DLGAP2: variants seen among roughly 807,000 people sequenced by gnomAD.
DLGAP2 encodes disks large-associated protein 2.
A neutral mutation model predicts 100.3 loss-of-function variants in DLGAP2; 26 were observed. The observed-to-expected ratio is 0.26, with a 90% CI of 0.19 to 0.36. DLGAP2 has a LOEUF of 0.36. DLGAP2 is among the 10% of genes least tolerant of loss of function. The probability of loss-of-function intolerance (pLI) is 1.00; values close to 1 mark genes in which losing one functional copy is unlikely to be tolerated. For missense variants in DLGAP2, 1,858 were observed against 1,453.2 expected, an observed-to-expected ratio of 1.28 and a Z score of -4.53; for synonymous variants, 886 against 630.1, an observed-to-expected ratio of 1.41 and a Z score of -6.08.
In DLGAP2 at chr8:810,023, C is replaced by A. The variant is rs189591980; in HGVS notation, c.18+72198C>A. On this transcript the variant is annotated intron_variant, in intron 1 of 14. Coordinates refer to ENST00000637795, the MANE Select transcript of DLGAP2 (RefSeq NM_001346810.2). ...CTGCACCTGACAATCTGCTCTAACTCCTCCTCTCAGCAGGGCTCAGCCCAT... is the reference window on the plus strand; with the variant it reads ...CTGCACCTGACAATCTGCTCTAACTACTCCTCTCAGCAGGGCTCAGCCCAT... 4.6e-5 allele frequency among the ~76,000 whole-genome samples: 7 copies of A among 152,354 alleles called. No homozygotes were observed. In the East Asian group the frequency reaches 1.3e-3, roughly 29 times the overall value.
intron 1 of DLGAP2, among the ~76,000 whole-genome samples, chr8:767,626 A>T (rs1821249846): frequency 6.6e-6 from 1 of 152,148 alleles, no homozygotes; most frequent in African/African-American, 2.4e-5. Context: ...AAGTGCTGGG[A>T]TTACAGGTAC....
chr8:1,429,339 A>G (rs1797339164), intron 3 of DLGAP2, among the ~76,000 whole-genome samples: 1 of 152,140 alleles, frequency 6.6e-6, no homozygotes, highest in Admixed American at 6.5e-5. Context: ...TGCTGGGGCC[A>G]TCCCAGCCCA....
chr8:1,565,819 C>T lies in DLGAP2; in HGVS notation c.1367C>T (p.Thr456Ile), dbSNP rs558830103. 4 of 1,613,820 alleles carry T rather than the reference C, an allele frequency of 2.5e-6. No individual in the cohort carries two copies. In the South Asian group the frequency reaches 4.4e-5, roughly 18 times the overall value. Residue 456 changes from threonine (T) to isoleucine (I), a missense_variant, in exon 6 of 15, where the codon ACA (threonine) becomes ATA (isoleucine). By Grantham distance (89) the Thr-to-Ile change is moderately conservative. Coordinates refer to ENST00000637795, the MANE Select transcript of DLGAP2 (RefSeq NM_001346810.2). ...ESGESDSSPK[T>I]SPKSAILPEP... is the part of the protein sequence containing the mutation. ...GGAGAGTCAGACTCCAGCCCCAAGA[C>T]ATCACCAAAGTCGGCAATCCTACCA...
At position 1,558,743 on chromosome 8, in the gene DLGAP2, G is replaced by A. The variant is rs1417120775; in HGVS notation, c.1231-6940G>A. ...ACACATACCCACACATACACACATA[G>A]GCATGCATGCACACCCATATAACTG... On this transcript the variant is annotated intron_variant, in intron 5 of 14. Coordinates refer to ENST00000637795, the MANE Select transcript of DLGAP2 (RefSeq NM_001346810.2). Among the ~76,000 whole-genome samples, 5 of 148,476 alleles carry A rather than the reference G, an allele frequency of 3.4e-5. No individual in the cohort carries two copies. The East Asian group carries it at 9.8e-4, about 29-fold the overall frequency.
At chr8:1,300,784 G>A (rs187401348) in intron 3 of DLGAP2, 1 of 152,270 alleles carries the variant, frequency 6.6e-6, no homozygotes, top group Non-Finnish European at 1.5e-5. Flanking sequence ...GGAACAGCGA[G>A]AGCGGCCCCT....
intron 4 of DLGAP2, 40 bp from the exon 5 acceptor site, chr8:1,548,586 G>A (rs746987645): frequency 4.7e-5 from 68 of 1,435,682 alleles, no homozygotes; most frequent in South Asian, 2.3e-4. Context: ...GGTTTCCGCC[G>A]CGCTTCCGGG....
At chr8:1,226,930 A>G (rs900658383) in intron 2 of DLGAP2, among the ~76,000 whole-genome samples, 1 of 151,822 alleles carries the variant, frequency 6.6e-6, no homozygotes, top group Non-Finnish European at 1.5e-5. Context: ...TTTGTGCAAC[A>G]ATTATGGAAA....
chr8:1,618,811 T>C (rs1161297520), intron 6 of DLGAP2, among the ~76,000 whole-genome samples: 1 of 152,164 alleles, frequency 6.6e-6, no homozygotes, highest in Non-Finnish European at 1.5e-5. Context: ...GATTCTCTCT[T>C]GTTGGGGGCC....
chr8:1,102,966 G>A (rs1378036951), intron 2 of DLGAP2, among the ~76,000 whole-genome samples: 3 of 151,724 alleles, frequency 2.0e-5, no homozygotes, highest in African/African-American at 4.8e-5. Flanking sequence ...GTTTTCCGGG[G>A]TCTTCATGAG....
At chr8:1,052,581 T>G (rs1024096991) in intron 2 of DLGAP2, among the ~76,000 whole-genome samples, 1 of 152,020 alleles carries the variant, frequency 6.6e-6, no homozygotes, top group East Asian at 1.9e-4. Context: ...CTGGAAGAGG[T>G]GGCATTTAGC....
intron 2 of DLGAP2, among the ~76,000 whole-genome samples, chr8:1,065,006 G>A (rs1803202104): frequency 6.6e-6 from 1 of 152,226 alleles, no homozygotes; most frequent in Non-Finnish European, 1.5e-5. Context: ...TGCTGTGTGA[G>A]TCTGGAGATA....
At chr8:1,064,093 C>T (rs1413791887) in intron 2 of DLGAP2, among the ~76,000 whole-genome samples, 5 of 152,192 alleles carry the variant, frequency 3.3e-5, no homozygotes, top group African/African-American at 1.2e-4. Context: ...GGAACAACTG[C>T]AGCTATGGGA....
intron 2 of DLGAP2, among the ~76,000 whole-genome samples, chr8:1,085,698 A>G (rs1280308685): frequency 6.6e-6 from 1 of 152,174 alleles, no homozygotes; most frequent in East Asian, 1.9e-4. Context: ...AAATCAGGCA[A>G]TGTGATTCCT....
intron 1 of DLGAP2, among the ~76,000 whole-genome samples, chr8:827,630 G>C (rs924779773): frequency 6.6e-6 from 1 of 152,208 alleles, no homozygotes; most frequent in African/African-American, 2.4e-5. Flanking sequence ...TGTCTCATTT[G>C]AAATAAGATA....
chr8:1,536,736 C>T (rs1801165394), intron 4 of DLGAP2, among the ~76,000 whole-genome samples: 1 of 152,198 alleles, frequency 6.6e-6, no homozygotes, highest in South Asian at 2.1e-4. Flanking sequence ...CCCTTTTGCC[C>T]AAAGCATCCC....
intron 3 of DLGAP2, among the ~76,000 whole-genome samples, chr8:1,326,449 G>T (rs143910091): frequency 6.6e-6 from 1 of 152,082 alleles, no homozygotes; most frequent in South Asian, 2.1e-4. Flanking sequence ...GCTCTGGGCC[G>T]CCCTGTCTTT....
intron 3 of DLGAP2, among the ~76,000 whole-genome samples, chr8:1,351,410 T>C (rs541554596): frequency 0.022 from 277 of 12,528 alleles, 19 homozygotes; most frequent in Middle Eastern, 0.25. Flanking sequence ...GTGGATAGGC[T>C]GTGCGGGTCC....
chr8:887,644 C>G (rs1228571820), intron 1 of DLGAP2, among the ~76,000 whole-genome samples: 1 of 152,152 alleles, frequency 6.6e-6, no homozygotes, highest in African/African-American at 2.4e-5. Flanking sequence ...CTTAGTTTGG[C>G]TGGATATGAA....
intron 3 of DLGAP2, among the ~76,000 whole-genome samples, chr8:1,418,515 T>A (rs1796998852): frequency 6.6e-6 from 1 of 152,224 alleles, no homozygotes; most frequent in Non-Finnish European, 1.5e-5. Flanking sequence ...TTTATGTCTC[T>A]ACTTTCACAG....
Sources: allele counts gnomAD v4.1 joint callset (sites outside exome capture counted in the v4.1 genomes callset), GRCh38; gene constraint gnomAD v4.1.1; transcripts MANE v1.5; gene names NCBI Gene and HGNC (gene_info 2026-07-23, HGNC 2026-07-21).